DGKB: variants seen among roughly 807,000 people sequenced by gnomAD.
DGKB encodes the protein 90 kDa diacylglycerol kinase.
A neutral mutation model predicts 114.3 loss-of-function variants in DGKB; 67 were observed. The ratio of observed to expected loss-of-function variants is 0.59; its 90% CI spans 0.48 to 0.72. The LOEUF (loss-of-function observed/expected upper bound fraction) is 0.72, where lower values mean the gene tolerates loss of function less well. Ranked by LOEUF, DGKB falls within the 30% of genes least tolerant of loss-of-function variation. The pLI is 0.00. For missense variants in DGKB, 907 were observed against 975.2 expected (o/e 0.93, Z 0.93); for synonymous variants, 398 against 323.1 (o/e 1.23, Z -2.49).
intron 23 of DGKB, among the ~76,000 whole-genome samples, chr7:14,208,688 T>G (rs979025643): frequency 1.3e-5 from 2 of 152,058 alleles, no homozygotes; most frequent in Non-Finnish European, 2.9e-5. Context: ...CCGGCTTTAT[T>G]GGTTCCATTC....
At chr7:14,445,721 A>C (rs1252430183) in intron 21 of DGKB, among the ~76,000 whole-genome samples, 1 of 152,084 alleles carries the variant, frequency 6.6e-6, no homozygotes, top group Non-Finnish European at 1.5e-5. Flanking sequence ...CAAGGATCAT[A>C]AAGTAAAATC....
At chr7:14,669,896 G>GTAAC (rs1349380443) in intron 13 of DGKB, among the ~76,000 whole-genome samples, 1 of 152,110 alleles carries the variant, frequency 6.6e-6, no homozygotes, top group Non-Finnish European at 1.5e-5. Flanking sequence ...TAATAAGGAT[G>GTAAC]TAACCTCTCC....
At chr7:14,156,765 A>AGAT (rs1783082965) in intron 25 of DGKB, among the ~76,000 whole-genome samples, 1 of 152,156 alleles carries the variant, frequency 6.6e-6, no homozygotes, top group Non-Finnish European at 1.5e-5. Flanking sequence ...AATGGCTAAA[A>AGAT]GATGGATAAA....
chr7:14,486,131 G>A (rs746385864), intron 20 of DGKB, among the ~76,000 whole-genome samples: 1 of 152,020 alleles, frequency 6.6e-6, no homozygotes, highest in Non-Finnish European at 1.5e-5. Context: ...TGTTGCAGAG[G>A]GCAGTGATAC....
At chr7:14,738,789 T>C (rs1405009818) in intron 4 of DGKB, among the ~76,000 whole-genome samples, 2 of 152,212 alleles carry the variant, frequency 1.3e-5, no homozygotes, top group Admixed American at 6.5e-5. Flanking sequence ...CTTCCAGAAG[T>C]AGTAAAGGAC....
chr7:14,296,339 C>T (rs2128480247), intron 23 of DGKB, among the ~76,000 whole-genome samples: 1 of 152,128 alleles, frequency 6.6e-6, no homozygotes, highest in East Asian at 1.9e-4. Flanking sequence ...CAAACTCATT[C>T]TTTTTTATGG....
At chr7:14,852,012 T>C (rs1562718226) in intron 1 of DGKB, among the ~76,000 whole-genome samples, 2 of 152,178 alleles carry the variant, frequency 1.3e-5, no homozygotes, top group African/African-American at 2.4e-5. Flanking sequence ...CCATTCTGAA[T>C]TCCTGGCCTA....
intron 1 of DGKB, among the ~76,000 whole-genome samples, chr7:14,859,162 T>C (rs1349172898): frequency 6.6e-6 from 1 of 151,944 alleles, no homozygotes; most frequent in African/African-American, 2.4e-5. Context: ...TGATCAGTAA[T>C]CAAGAAATGA....
chr7:14,669,299 G>A (rs1167825994), intron 13 of DGKB, among the ~76,000 whole-genome samples: 1 of 152,040 alleles, frequency 6.6e-6, no homozygotes, highest in Non-Finnish European at 1.5e-5. Flanking sequence ...ATTTTACAAC[G>A]ACCTAAATTG....
chr7:14,681,666 T>C (rs1820859763), intron 12 of DGKB, among the ~76,000 whole-genome samples: 1 of 152,092 alleles, frequency 6.6e-6, no homozygotes, highest in South Asian at 2.1e-4. Flanking sequence ...AAATATTTTG[T>C]ACTACATTAT....
At chr7:14,286,634 T>C (rs554322804) in intron 23 of DGKB, among the ~76,000 whole-genome samples, 5 of 152,160 alleles carry the variant, frequency 3.3e-5, no homozygotes, top group Admixed American at 6.6e-5. Context: ...ATTCTCATTT[T>C]TGCAGTCCTT....
chr7:14,376,605 C>T (rs1201376822), intron 21 of DGKB, among the ~76,000 whole-genome samples: 3 of 152,244 alleles, frequency 2.0e-5, no homozygotes, highest in South Asian at 4.1e-4. Flanking sequence ...GAATGATTCA[C>T]AAATTAATGA....
chr7:14,815,561 A>G (rs1474774979), intron 2 of DGKB, among the ~76,000 whole-genome samples: 4 of 152,194 alleles, frequency 2.6e-5, no homozygotes, highest in East Asian at 1.9e-4. Context: ...CATAGGTGCT[A>G]TGGCACATTA....
chr7:14,847,814 T>A (rs530790119), intron 1 of DGKB, among the ~76,000 whole-genome samples: 1 of 152,196 alleles, frequency 6.6e-6, no homozygotes, highest in Non-Finnish European at 1.5e-5. Context: ...TAAATAATTT[T>A]AAACTTGAAT....
chr7:14,574,408 C>A (rs747427397), intron 19 of DGKB, 36 bp from the exon 20 acceptor site: 6 of 1,560,002 alleles, frequency 3.8e-6, no homozygotes, highest in Non-Finnish European at 5.2e-6. Context: ...GAAAAGAACT[C>A]TAACCAAATA....
chr7:14,316,046 C>T (rs1474533164), intron 23 of DGKB, among the ~76,000 whole-genome samples: 17 of 150,110 alleles, frequency 1.1e-4, no homozygotes, highest in East Asian at 3.9e-4. Flanking sequence ...GGGTACATAA[C>T]GAAATGAAGG....
chr7:14,881,012 A>ACATACGTATT (rs1854146583), intron 1 of DGKB, among the ~76,000 whole-genome samples: 1 of 152,178 alleles, frequency 6.6e-6, no homozygotes, highest in African/African-American at 2.4e-5. Context: ...TGTTAGGCCA[A>ACATACGTATT]AGATTATAGG....
chr7:14,614,283 A>G (rs1457482008), intron 15 of DGKB, among the ~76,000 whole-genome samples: 2 of 152,166 alleles, frequency 1.3e-5, no homozygotes, highest in Non-Finnish European at 2.9e-5. Flanking sequence ...GTGGGAAAGG[A>G]CAAGTGTTGT....
chr7:14,396,708 G>A (rs868670983), intron 21 of DGKB, among the ~76,000 whole-genome samples: 1 of 152,106 alleles, frequency 6.6e-6, no homozygotes, highest in Non-Finnish European at 1.5e-5. Flanking sequence ...ATGTTTTAAA[G>A]TGCTCTGGAC....
Sources: allele counts gnomAD v4.1 joint callset (sites outside exome capture counted in the v4.1 genomes callset), GRCh38; gene constraint gnomAD v4.1.1; transcripts MANE v1.5; gene names NCBI Gene and HGNC (gene_info 2026-07-23, HGNC 2026-07-21).